The following FAM83A variants were observed in gnomAD, a reference collection of about 807,000 sequenced individuals.
The protein encoded by FAM83A is scaffolding CK1 anchoring protein A.
FAM83A carries 21 observed loss-of-function variants against 24.4 expected under a neutral mutation model. That is an observed-to-expected ratio of 0.86 (90% CI 0.61 to 1.24). FAM83A has a LOEUF of 1.24. Ranked by LOEUF, FAM83A falls within the 50% of genes most tolerant of loss-of-function variation. FAM83A has a pLI of 0.00. For missense variants in FAM83A, 617 were observed against 579.8 expected (o/e 1.06, Z -0.66); for synonymous variants, 270 against 252.4 (o/e 1.07, Z -0.66).
chr8:123,204,731 A>G (rs1487768534), intron 3 of FAM83A, among the ~76,000 whole-genome samples: 2 of 152,056 alleles, frequency 1.3e-5, no homozygotes, highest in African/African-American at 2.4e-5. Context: ...ACTGCACTCC[A>G]GCCTGGACGA....
chr8:123,207,381 AC>A lies in FAM83A; in HGVS notation c.1002del (p.Phe335SerfsTer86). ...TCCGCCAGTGACCGCACGTCCTCCA[AC>A]CCCTTCAGCGGCCGCTCGGCAGGCA... On this transcript the variant is annotated frameshift_variant, in exon 4 of 4. Transcript: ENST00000690554. LOFTEE classifies it low-confidence loss of function (END_TRUNC). 1 of 1,610,436 alleles carries A rather than the reference AC, an allele frequency of 6.2e-7. No individual in the cohort carries two copies. The highest frequency in any genetic ancestry group is 8.5e-7 in the Non-Finnish European group (1 of 1,179,198).
At chr8:123,206,248 C>T (rs1586790555) in intron 3 of FAM83A, among the ~76,000 whole-genome samples, 2 of 152,166 alleles carry the variant, frequency 1.3e-5, no homozygotes, top group East Asian at 3.9e-4. Context: ...TTGAGGGTGT[C>T]TTCCACCACC....
At chr8:123,200,683 A>G (rs561988752) in intron 3 of FAM83A, among the ~76,000 whole-genome samples, 61 of 152,072 alleles carry the variant, frequency 4.0e-4, no homozygotes, top group African/African-American at 1.3e-3. Context: ...GAGGGGCGCG[A>G]TGGCTCACAC....
chr8:123,194,225 C>T (rs1269801777), intron 3 of FAM83A, 77 bp downstream of exon 3: 1 of 1,576,170 alleles, frequency 6.3e-7, no homozygotes, highest in Admixed American at 1.7e-5. Flanking sequence ...GCTCCCGCTG[C>T]TCAGACACAA....
intron 1 of FAM83A, among the ~76,000 whole-genome samples, chr8:123,183,649 T>A (rs996682974): frequency 6.6e-6 from 1 of 151,346 alleles, no homozygotes; most frequent in African/African-American, 2.4e-5. Flanking sequence ...CTCTCTTTCT[T>A]TTTTTTTCTT....
chr8:123,194,462 G>A lies in FAM83A; in HGVS notation c.773+314G>A, dbSNP rs185208341. Among the ~76,000 whole-genome samples the A allele has an allele frequency of 1.6e-3, 244 of 151,006 alleles. 1 individual carries two copies. The highest frequency in any genetic ancestry group is 5.8e-3 in the African/African-American group (241 of 41,208). ...ATTATAAAGTGATGCAATTTGTTTA[G>A]TTGTGTGTGTGCACATCCCATTGCT... On this transcript the variant is annotated intron_variant, in intron 3 of 3. Coordinates refer to ENST00000690554, the Ensembl canonical transcript of FAM83A.
chr8:123,188,769 C>T (rs989571521), intron 1 of FAM83A, among the ~76,000 whole-genome samples: 1 of 152,252 alleles, frequency 6.6e-6, no homozygotes, highest in African/African-American at 2.4e-5. Context: ...AGGCATAAGC[C>T]ACCGTGCCTG....
chr8:123,185,152 C>G (rs141847226), intron 1 of FAM83A, among the ~76,000 whole-genome samples: 2 of 152,198 alleles, frequency 1.3e-5, no homozygotes, highest in African/African-American at 2.4e-5. Flanking sequence ...GCCCACGCTG[C>G]CTTTGTGGCC....
chr8:123,207,147 T>A lies in FAM83A; in HGVS notation c.774-10T>A. 1 of 1,379,572 alleles carries A rather than the reference T, an allele frequency of 7.2e-7. No homozygotes were observed. The highest frequency in any genetic ancestry group is 9.7e-7 in the Non-Finnish European group (1 of 1,032,846). 85.5% of individuals were successfully genotyped at this position (1,379,572 alleles called of 1,614,324 possible). A position where few individuals can be genotyped will look rare whatever the true frequency, so the allele number is the denominator to read the frequency against. On this transcript the variant is annotated splice_polypyrimidine_tract_variant and intron_variant, in intron 3 of 3. Coordinates refer to ENST00000690554, the Ensembl canonical transcript of FAM83A. ...TCTCCTCCATCACTCTCTCTCCTCT[T>A]CCCCTCCAGCTTCACCTGGCTCTGC...
chr8:123,201,737 G>A (rs1824365546), intron 3 of FAM83A: 1 of 152,266 alleles, frequency 6.6e-6, no homozygotes, highest in South Asian at 2.1e-4. Context: ...CTAGAGGGCT[G>A]AGGTTGTGCA....
At chr8:123,204,024 T>C (rs968888336) in intron 3 of FAM83A, among the ~76,000 whole-genome samples, 1 of 151,556 alleles carries the variant, frequency 6.6e-6, no homozygotes, top group African/African-American at 2.4e-5. Context: ...AAGGGCGTTA[T>C]GATCACAGGA....
At chr8:123,201,637 C>T (rs1365530772) in intron 3 of FAM83A, 2 of 152,192 alleles carry the variant, frequency 1.3e-5, no homozygotes, top group Admixed American at 1.3e-4. Context: ...TCTTTTAGCC[C>T]CGCTACCTGG....
Position 123,209,639 on chromosome 8 carries a change from C to T in FAM83A, c.*1951C>T, listed in dbSNP as rs1159457451. ...AAAGCTTGCCAGGTCACAGAAGCTC[C>T]CAAGCCCAGCTTTCCAAAGGCCTCA... On this transcript the variant is annotated 3_prime_UTR_variant, in exon 4 of 4. Transcript: ENST00000690554. The surrounding 1 kb of genome is among the most constrained non-coding windows in gnomAD (Gnocchi z 4.7). 3 of 1,409,282 alleles carry T rather than the reference C, an allele frequency of 2.1e-6. No homozygotes were observed. In the East Asian group the frequency reaches 7.3e-5, roughly 34 times the overall value. 87.3% of individuals were successfully genotyped at this position (1,409,282 alleles called of 1,614,324 possible). A position where few individuals can be genotyped will look rare whatever the true frequency, so the allele number is the denominator to read the frequency against.
chr8:123,191,929 G>T lies in FAM83A; in HGVS notation c.607G>T (p.Glu203Ter). 1 of 1,614,208 alleles carries T rather than the reference G, an allele frequency of 6.2e-7. No homozygotes were observed. Among genetic ancestry groups the T allele is most frequent in the South Asian group, 1.1e-5 (1 of 91,074 alleles). Reference sequence around the variant, plus strand: ...CCAGGGAGGTGTGAAGCTCTTCCAGGAGATGTGTGACAAAGTCCAGATCTC... The same window carrying T: ...CCAGGGAGGTGTGAAGCTCTTCCAGTAGATGTGTGACAAAGTCCAGATCTC... Residue 203 changes from glutamate to a stop codon, truncating the protein, a stop_gained, in exon 2 of 4, where the codon GAG becomes TAG. Coordinates refer to ENST00000690554, the Ensembl canonical transcript of FAM83A. LOFTEE classifies it high-confidence loss of function.
exon 4 of FAM83A, chr8:123,207,216 C>A (rs933456114): frequency 5.0e-6 from 8 of 1,612,278 alleles, no homozygotes; most frequent in Non-Finnish European, 6.8e-6. Context: ...ACAGGCCAGG[C>A]GGTGGAGCTG....
At chr8:123,199,954 C>G (rs1479381597) in intron 3 of FAM83A, 2 of 154,114 alleles carry the variant, frequency 1.3e-5, no homozygotes, top group Non-Finnish European at 2.9e-5. Flanking sequence ...ACTAAAGAAG[C>G]CAGCAGAGAA....
intron 1 of FAM83A, among the ~76,000 whole-genome samples, chr8:123,185,841 AGTGC>A (rs1299253680): frequency 6.6e-6 from 1 of 152,198 alleles, no homozygotes; most frequent in African/African-American, 2.4e-5. Context: ...CCCAGGCTGG[AGTGC>A]GTTGGCTCGA....
intron 3 of FAM83A, among the ~76,000 whole-genome samples, chr8:123,195,109 G>A (rs574093002): frequency 7.9e-5 from 12 of 152,306 alleles, no homozygotes; most frequent in East Asian, 7.7e-4. Context: ...AGGAACAGCC[G>A]AAGGTCATTT....
chr8:123,188,570 G>C (rs1823879805), intron 1 of FAM83A, among the ~76,000 whole-genome samples: 1 of 150,950 alleles, frequency 6.6e-6, no homozygotes, highest in African/African-American at 2.4e-5. Context: ...TGCAACCTCT[G>C]CCTCCCAGGT....
Sources: gnomAD v4.1 joint callset for allele counts (sites outside exome capture counted in the v4.1 genomes callset) on GRCh38, gnomAD v4.1.1 for gene constraint, Gnocchi (gnomAD v3.1) non-coding constraint, MANE v1.5 for transcripts, NCBI Gene and HGNC (gene_info 2026-07-23, HGNC 2026-07-21) for gene names.